The following EPB41L5 variants were observed in gnomAD, a reference collection of about 807,000 sequenced individuals.
EPB41L5 encodes the protein band 4.1-like protein 5.
A neutral mutation model predicts 106.6 loss-of-function variants in EPB41L5; 55 were observed. The ratio of observed to expected loss-of-function variants is 0.52; its 90% CI spans 0.42 to 0.65. The LOEUF is 0.65. Among genes scored for constraint, EPB41L5 ranks in the 30% least tolerant of loss-of-function variants. The pLI, the probability that EPB41L5 is intolerant of heterozygous loss-of-function variation, is 0.00. For missense variants in EPB41L5, 871 were observed against 882.1 expected (o/e 0.99, Z 0.16); for synonymous variants, 297 against 306.7 (o/e 0.97, Z 0.33).
chr2:120,026,444 C>G (rs748181901), intron 2 of EPB41L5, among the ~76,000 whole-genome samples: 1 of 152,164 alleles, frequency 6.6e-6, no homozygotes, highest in Non-Finnish European at 1.5e-5. Flanking sequence ...TCTCAGCTTA[C>G]TGCGATCTCT....
intron 16 of EPB41L5, among the ~76,000 whole-genome samples, chr2:120,116,719 C>T (rs1684962611): frequency 6.6e-6 from 1 of 151,704 alleles, no homozygotes; most frequent in Non-Finnish European, 1.5e-5. Flanking sequence ...TGTAGAGATA[C>T]AGTCTCCTCT....
chr2:120,139,419 A>G (rs1477030861), intron 18 of EPB41L5, among the ~76,000 whole-genome samples: 1 of 152,046 alleles, frequency 6.6e-6, no homozygotes, highest in Non-Finnish European at 1.5e-5. Flanking sequence ...ATATCTGCAA[A>G]TTACCCATCT....
intron 16 of EPB41L5, chr2:120,103,992 C>G (rs1400379696): frequency 2.8e-6 from 4 of 1,446,680 alleles, no homozygotes; most frequent in East Asian, 5.0e-5. Flanking sequence ...TTTATTGTCT[C>G]TTACACATCC....
intron 10 of EPB41L5, among the ~76,000 whole-genome samples, chr2:120,083,237 C>T (rs1682811735): frequency 6.6e-6 from 1 of 152,154 alleles, no homozygotes; most frequent in Non-Finnish European, 1.5e-5. Context: ...CTCTTGTGGA[C>T]ATTTAGTGCT....
At chr2:120,117,456 C>T (rs1236332968) in intron 16 of EPB41L5, among the ~76,000 whole-genome samples, 2 of 152,026 alleles carry the variant, frequency 1.3e-5, no homozygotes, top group Non-Finnish European at 2.9e-5. Context: ...TTTATTTGGT[C>T]GTAGATGAAT....
At chr2:120,102,261 G>A (rs1684187269) in intron 16 of EPB41L5, among the ~76,000 whole-genome samples, 1 of 152,084 alleles carries the variant, frequency 6.6e-6, no homozygotes, top group Admixed American at 6.6e-5. Context: ...GTACTACTTG[G>A]TTTCTTTGAT....
chr2:120,087,387 C>CCGGGCGCG, intron 11 of EPB41L5, 147 bp downstream of exon 11: 1 of 506,570 alleles, frequency 2.0e-6, no homozygotes. Flanking sequence ...AATTTCCTTA[C>CCGGGCGCG]TTGGGTCATA....
chr2:120,140,540 G>T (rs954928379), intron 18 of EPB41L5, among the ~76,000 whole-genome samples: 1 of 152,008 alleles, frequency 6.6e-6, no homozygotes, highest in Non-Finnish European at 1.5e-5. Flanking sequence ...GTCAACTTGA[G>T]TAGAAGTTGA....
chr2:120,094,089 T>G (rs1683591977), intron 14 of EPB41L5, among the ~76,000 whole-genome samples: 1 of 152,070 alleles, frequency 6.6e-6, no homozygotes. Context: ...TAGGCTCAAG[T>G]GATCATCCCA....
chr2:120,082,896 G>T (rs1682780610), intron 10 of EPB41L5, among the ~76,000 whole-genome samples: 1 of 152,116 alleles, frequency 6.6e-6, no homozygotes, highest in South Asian at 2.1e-4. Flanking sequence ...TTGCATAGAG[G>T]TGTTTATTGT....
At chr2:120,032,667 GT>G (rs969621191) in intron 2 of EPB41L5, among the ~76,000 whole-genome samples, 6 of 151,976 alleles carry the variant, frequency 3.9e-5, no homozygotes, top group Non-Finnish European at 5.9e-5. Context: ...TCTTTATTTT[GT>G]TTTTATCTAG....
intron 12 of EPB41L5, 139 bp from the exon 13 acceptor site, chr2:120,091,416 G>A (rs563177467): frequency 2.0e-5 from 12 of 607,320 alleles, no homozygotes; most frequent in Admixed American, 6.4e-5. Flanking sequence ...GAGAGAGATC[G>A]AGACTATTAG....
intron 17 of EPB41L5, among the ~76,000 whole-genome samples, chr2:120,128,963 G>T (rs984580555): frequency 6.6e-6 from 1 of 152,044 alleles, no homozygotes; most frequent in Non-Finnish European, 1.5e-5. Flanking sequence ...GCTTGCTCTT[G>T]TTCTCACTTA....
chr2:120,169,035 C>T (rs1687545252), intron 24 of EPB41L5, among the ~76,000 whole-genome samples: 1 of 152,102 alleles, frequency 6.6e-6, no homozygotes, highest in Non-Finnish European at 1.5e-5. Flanking sequence ...AATGTGAGCT[C>T]TTAAGGACTT....
Position 120,080,958 on chromosome 2 carries a change from G to T in EPB41L5, c.803+2377G>T, listed in dbSNP as rs185634585. Among the ~76,000 whole-genome samples, 769 of 150,626 alleles carry T rather than the reference G, an allele frequency of 5.1e-3. 4 individuals are homozygous for T. Among genetic ancestry groups the T allele is most frequent in the African/African-American group, 0.018 (740 of 41,082 alleles). ...TGCCCACTTTTTGGTGGGGTTGTTT[G>T]TTTTTTTTTCTTGTAAATTTGTTTG... On this transcript the variant is annotated intron_variant, in intron 10 of 24. Transcript: ENST00000263713.
At chr2:120,025,671 A>C (rs1240294541) in intron 2 of EPB41L5, among the ~76,000 whole-genome samples, 1 of 152,214 alleles carries the variant, frequency 6.6e-6, no homozygotes, top group Admixed American at 6.5e-5. Flanking sequence ...TCCCATGTTC[A>C]TGAATTTGAA....
At chr2:120,049,694 G>C (rs1025242137) in intron 3 of EPB41L5, among the ~76,000 whole-genome samples, 16 of 152,146 alleles carry the variant, frequency 1.1e-4, no homozygotes, top group Non-Finnish European at 1.9e-4. Context: ...GTGTGAATTT[G>C]ATCCTGTCAT....
chr2:120,063,772 C>T (rs1681249640), intron 3 of EPB41L5, among the ~76,000 whole-genome samples: 1 of 152,108 alleles, frequency 6.6e-6, no homozygotes, highest in Non-Finnish European at 1.5e-5. Flanking sequence ...GAAACCCTGT[C>T]TCTATTAAAA....
intron 24 of EPB41L5, among the ~76,000 whole-genome samples, chr2:120,169,456 A>G (rs1175245569): frequency 6.6e-6 from 1 of 152,234 alleles, no homozygotes; most frequent in Non-Finnish European, 1.5e-5. Flanking sequence ...ACAGCTCACA[A>G]GGAGCTTTAG....
Sources: allele counts gnomAD v4.1 joint callset (sites outside exome capture counted in the v4.1 genomes callset), GRCh38; gene constraint gnomAD v4.1.1; transcripts MANE v1.5; gene names NCBI Gene and HGNC (gene_info 2026-07-23, HGNC 2026-07-21).